Variants in COL28A1 observed in about 807,000 individuals in gnomAD.
COL28A1 encodes collagen alpha-1(XXVIII) chain.
COL28A1 carries 161 observed loss-of-function variants against 150.2 expected under a neutral mutation model. That is an observed-to-expected ratio of 1.07 (90% confidence interval 0.94 to 1.22). COL28A1 has a LOEUF of 1.22. Among genes scored for constraint, COL28A1 ranks in the 50% most tolerant of loss-of-function variants. COL28A1 has a pLI of 0.00. For missense variants in COL28A1, 1,617 were observed against 1,388.3 expected (o/e 1.16, Z -2.62); for synonymous variants, 552 against 469.7 (o/e 1.18, Z -2.26).
intron 27 of COL28A1, among the ~76,000 whole-genome samples, chr7:7,409,003 T>C (rs1057222254): frequency 9.9e-5 from 15 of 152,156 alleles, no homozygotes; most frequent in African/African-American, 2.7e-4. Flanking sequence ...TTGGGAGATG[T>C]TGTTTAACAT....
intron 7 of COL28A1, among the ~76,000 whole-genome samples, chr7:7,517,472 C>G (rs1781478015): frequency 6.6e-6 from 1 of 152,154 alleles, no homozygotes; most frequent in Non-Finnish European, 1.5e-5. Context: ...TCCTGAAATT[C>G]TAACTTATTC....
Position 7,373,790 on chromosome 7 carries a change from C to T in COL28A1, c.2360-244G>A, listed in dbSNP as rs1172775604. Among the ~76,000 whole-genome samples the T allele has an allele frequency of 1.8e-4, 28 of 151,680 alleles. 1 individual carries two copies. Among genetic ancestry groups the T allele is most frequent in the Admixed American group, 1.6e-3 (25 of 15,258 alleles). On this transcript the variant is annotated intron_variant, in intron 31 of 34. Coordinates refer to ENST00000399429, the MANE Select transcript of COL28A1 (RefSeq NM_001037763.3). This position sits in a 1 kb window ranked among gnomAD's most constrained non-coding sequence, Gnocchi z 4.1. ...CTCGGCTCACTGCAGGCTCCGTCCCCTGGGATTCACGCCATTCTCCAGCCT... is the reference window on the plus strand; with the variant it reads ...CTCGGCTCACTGCAGGCTCCGTCCCTTGGGATTCACGCCATTCTCCAGCCT...
intron 15 of COL28A1, among the ~76,000 whole-genome samples, chr7:7,472,099 T>A (rs1024947400): frequency 7.2e-5 from 11 of 152,184 alleles, no homozygotes; most frequent in African/African-American, 2.7e-4. Flanking sequence ...GCATTCCCTC[T>A]GAGAACTGGA....
At chr7:7,465,461 C>T (rs1482081559) in intron 15 of COL28A1, among the ~76,000 whole-genome samples, 5 of 138,250 alleles carry the variant, frequency 3.6e-5, no homozygotes, top group Admixed American at 7.4e-5. Flanking sequence ...CCTACGCCCA[C>T]GGAATCTCGC....
At chr7:7,541,742 G>C in the COL28A1 span, among the ~76,000 whole-genome samples, 1 of 152,140 alleles carries the variant, frequency 6.6e-6, no homozygotes, top group Non-Finnish European at 1.5e-5. Flanking sequence ...GGAGACGAAC[G>C]AAAGAGTGAT....
chr7:7,491,720 C>A (rs1389501010), intron 11 of COL28A1, among the ~76,000 whole-genome samples: 1 of 152,226 alleles, frequency 6.6e-6, no homozygotes, highest in Non-Finnish European at 1.5e-5. Context: ...AAACTCACAC[C>A]TGAATACCAC....
intron 18 of COL28A1, among the ~76,000 whole-genome samples, chr7:7,448,133 A>C (rs1786409274): frequency 6.6e-6 from 1 of 152,178 alleles, no homozygotes. Flanking sequence ...ATTTCAAGAA[A>C]TACTGGCCAA....
At chr7:7,387,486 T>C (rs1782259882) in intron 27 of COL28A1, among the ~76,000 whole-genome samples, 1 of 152,124 alleles carries the variant, frequency 6.6e-6, no homozygotes, top group South Asian at 2.1e-4. Context: ...CTGTGTTATA[T>C]AAGAGAATGT....
At chr7:7,543,714 A>C in the COL28A1 span, among the ~76,000 whole-genome samples, 1 of 152,166 alleles carries the variant, frequency 6.6e-6, no homozygotes, top group Non-Finnish European at 1.5e-5. Flanking sequence ...ATTAGGAAGT[A>C]ATGAGTTTTG....
chr7:7,464,381 T>C (rs1354260907), intron 15 of COL28A1, among the ~76,000 whole-genome samples: 1 of 152,182 alleles, frequency 6.6e-6, no homozygotes, highest in East Asian at 1.9e-4. Context: ...CAGTGCATGG[T>C]ACCTTCTCCA....
At chr7:7,485,435 A>C (rs1204231905) in intron 13 of COL28A1, among the ~76,000 whole-genome samples, 2 of 152,078 alleles carry the variant, frequency 1.3e-5, no homozygotes, top group Non-Finnish European at 2.9e-5. Context: ...CCCTTAACAG[A>C]GTCTTTCACA....
intron 18 of COL28A1, among the ~76,000 whole-genome samples, chr7:7,445,936 G>A (rs188737229): frequency 3.7e-4 from 56 of 150,402 alleles, no homozygotes; most frequent in African/African-American, 1.0e-3. Flanking sequence ...TCAGCTCACC[G>A]CTACCTCCGC....
chr7:7,526,172 C>T (rs547135109), intron 3 of COL28A1, among the ~76,000 whole-genome samples: 1 of 152,356 alleles, frequency 6.6e-6, no homozygotes, highest in East Asian at 1.9e-4. Flanking sequence ...ACAATTCTTG[C>T]TTTTGCCTGT....
intron 13 of COL28A1, among the ~76,000 whole-genome samples, chr7:7,484,233 A>G (rs1247301876): frequency 6.6e-6 from 1 of 152,228 alleles, no homozygotes; most frequent in Non-Finnish European, 1.5e-5. Flanking sequence ...TACTACAAGA[A>G]ATTATAAACA....
In COL28A1 at chr7:7,417,930, G is replaced by GCTAA; in HGVS notation, c.2068-4_2068-3insTTAG. ...AAGCCTTTCTGCCCAGTATCACCCT[G>GCTAA]TTAGAAGATGGGGAGAATTTGAAGA... is the stretch of plus-strand genomic sequence containing the variant. On this transcript the variant is annotated splice_region_variant and splice_polypyrimidine_tract_variant and intron_variant, in intron 26 of 34. Coordinates refer to ENST00000399429, the MANE Select transcript of COL28A1 (RefSeq NM_001037763.3). The GCTAA allele has an allele frequency of 6.2e-7, 1 of 1,602,930 alleles. No homozygotes were observed.
At chr7:7,371,879 C>A (rs1781240830) in intron 32 of COL28A1, among the ~76,000 whole-genome samples, 1 of 152,036 alleles carries the variant, frequency 6.6e-6, no homozygotes, top group Non-Finnish European at 1.5e-5. Context: ...GTCGCCCAGG[C>A]TGGAGTGCAG....
the COL28A1 span, among the ~76,000 whole-genome samples, chr7:7,350,980 G>A: frequency 6.6e-6 from 1 of 152,056 alleles, no homozygotes; most frequent in African/African-American, 2.4e-5. Flanking sequence ...GAAAGTCTTT[G>A]CTGTTTATGC....
At chr7:7,543,558 A>G in the COL28A1 span, among the ~76,000 whole-genome samples, 1 of 152,204 alleles carries the variant, frequency 6.6e-6, no homozygotes, top group Non-Finnish European at 1.5e-5. Flanking sequence ...CAGATTTCAA[A>G]TTACTAATGT....
intron 1 of COL28A1, among the ~76,000 whole-genome samples, chr7:7,535,424 TGTAAA>T (rs1315169296): frequency 2.6e-5 from 4 of 152,252 alleles, no homozygotes; most frequent in South Asian, 2.1e-4. Context: ...TTAGCCAAGT[TGTAAA>T]GTATTCTATA....
Sources: allele counts gnomAD v4.1 joint callset (sites outside exome capture counted in the v4.1 genomes callset), GRCh38; gene constraint gnomAD v4.1.1; non-coding constraint Gnocchi (gnomAD v3.1); transcripts MANE v1.5; gene names NCBI Gene and HGNC (gene_info 2026-07-23, HGNC 2026-07-21).